The following PTPRB variants were observed in gnomAD, a reference collection of about 807,000 sequenced individuals.
PTPRB encodes protein tyrosine phosphatase receptor type B, also known as receptor-type tyrosine-protein phosphatase beta.
Under a neutral mutation model 238.1 loss-of-function variants are expected in PTPRB, and 97 were observed. The ratio of observed to expected loss-of-function variants is 0.41; its 90% CI spans 0.35 to 0.48. PTPRB has a LOEUF of 0.48. Ranked by LOEUF, PTPRB falls within the 20% of genes least tolerant of loss-of-function variation. PTPRB has a pLI of 0.30. For missense variants in PTPRB, 2,292 were observed against 2,681.9 expected, an observed-to-expected ratio of 0.85 and a Z score of 3.21; for synonymous variants, 970 against 995.4, an observed-to-expected ratio of 0.97 and a Z score of 0.48.
At position 70,560,814 on chromosome 12, in the gene PTPRB, T is replaced by C. The variant is rs1181904147; in HGVS notation, c.4289A>G (p.Asn1430Ser). 3 of 1,613,978 alleles carry C rather than the reference T, an allele frequency of 1.9e-6. No individual in the cohort carries two copies. The highest frequency in any genetic ancestry group is 2.5e-6 in the Non-Finnish European group (3 of 1,179,886). ...DFYELILYNP[N>S]GTKKENWKDK... ...TTTCCAGTTTTCCTTCTTTGTGCCA[T>C]TGGGATTATAGAGAATCAGCTCATA... is the stretch of plus-strand genomic sequence containing the variant. The change falls in exon 17 of 34, where the codon AAT becomes AGT. Residue 1430 changes from asparagine (N) to serine (S), a missense_variant. Physicochemically the swap from Asn to Ser is conservative, Grantham distance 46 (BLOSUM62 1). Around this residue, in one of 4 missense-constraint regions of PTPRB, gnomAD observed 683 missense variants for 862.0 expected, o/e 0.79. Coordinates refer to ENST00000334414, the MANE Select transcript of PTPRB (RefSeq NM_001109754.4). The surrounding 1 kb of genome is among the most constrained non-coding windows in gnomAD (Gnocchi z 4.2).
rs1565981395 is a variant in PTPRB, at chr12:70,587,213, C to T, written c.2105G>A (p.Ser702Asn). ...TGCTACAGGGGTCTGCCACATGATA[C>T]TCAGTGAGGTTTCATTGGCATGTTT... is the stretch of plus-strand genomic sequence containing the variant. ...RVKHANETSL[S>N]IMWQTPVAEW... The change falls in exon 9 of 34, where the codon AGT becomes AAT. Residue 702 changes from serine to asparagine, a missense_variant. By Grantham distance (46) the Ser-to-Asn change is conservative (BLOSUM62 1). Coordinates refer to ENST00000334414, the MANE Select transcript of PTPRB (RefSeq NM_001109754.4). The T allele has an allele frequency of 1.2e-6, 2 of 1,613,824 alleles. No individual in the cohort carries two copies. The highest frequency in any genetic ancestry group is 8.5e-7 in the Non-Finnish European group (1 of 1,179,802).
chr12:70,584,889 A>G (rs984408360), intron 9 of PTPRB: 1 of 151,864 alleles, frequency 6.6e-6, no homozygotes, highest in Non-Finnish European at 1.5e-5. Flanking sequence ...CAATAATTAT[A>G]TTTTTGTGGG....
chr12:70,636,401 G>T, intron 1 of PTPRB, among the ~76,000 whole-genome samples: 1 of 151,216 alleles, frequency 6.6e-6, no homozygotes, highest in South Asian at 2.1e-4. Context: ...GTATATTTTA[G>T]CCCAATTAGT....
chr12:70,594,612 T>C lies in PTPRB; in HGVS notation c.1371A>G (p.Lys457=). ...VERYRLMLMD[K]GILVHGGVVD... ...CAACACCGCCATGAACTAGGATCCC[T>C]TTATCCATTAGCATCAGCCGGTATC... is the stretch of plus-strand genomic sequence containing the variant. The change falls in exon 6 of 34, where the codon AAA becomes AAG. Residue 457 remains lysine, a synonymous_variant. Transcript: ENST00000334414. 2 of 1,613,982 alleles carry C rather than the reference T, an allele frequency of 1.2e-6. No individual in the cohort carries two copies. The highest frequency in any genetic ancestry group is 1.7e-6 in the Non-Finnish European group (2 of 1,179,888).
In PTPRB at chr12:70,538,137, G is replaced by T; in HGVS notation, c.5946+18C>A. On this transcript the variant is annotated intron_variant, in intron 28 of 33. Transcript: ENST00000334414. ...CCAAAGCCTCATCCTGAACACTATG[G>T]CCTAGTGGGTCACTTACAGGGATGT... The T allele has an allele frequency of 6.2e-7, 1 of 1,603,984 alleles. No homozygotes were observed.
At chr12:70,538,394 T>A in intron 27 of PTPRB, 163 bp from the exon 28 acceptor site, 1 of 581,326 alleles carries the variant, frequency 1.7e-6, no homozygotes, top group Non-Finnish European at 3.0e-6. Flanking sequence ...ACTTGCCCCA[T>A]GTTGCATAGG....
At chr12:70,572,157 C>G in intron 11 of PTPRB, 70 bp from the exon 12 acceptor site, 1 of 1,401,660 alleles carries the variant, frequency 7.1e-7, no homozygotes, top group Non-Finnish European at 9.8e-7. Flanking sequence ...AGATGACAAG[C>G]TGGGACAATA....
At chr12:70,536,359 C>T (rs912486778) in intron 28 of PTPRB, among the ~76,000 whole-genome samples, 200 bp from the exon 29 acceptor site, 1 of 152,190 alleles carries the variant, frequency 6.6e-6, no homozygotes, top group Admixed American at 6.5e-5. Context: ...GCCACATTCC[C>T]TTTTACTTGC....
At chr12:70,619,316 A>G (rs867546285) in intron 3 of PTPRB, among the ~76,000 whole-genome samples, 1 of 141,562 alleles carries the variant, frequency 7.1e-6, no homozygotes, top group Admixed American at 6.9e-5. Flanking sequence ...TGATGATGAT[A>G]ATGATAATGA....
intron 3 of PTPRB, among the ~76,000 whole-genome samples, chr12:70,619,284 T>TG (rs1479322645): frequency 1.4e-5 from 2 of 145,482 alleles, no homozygotes; most frequent in Non-Finnish European, 3.0e-5. Flanking sequence ...ACAGAGATAG[T>TG]GGGTGGTGGT....
chr12:70,615,925 ATCTCAATAAAGTTATCAAAT>A (rs1884658702), intron 3 of PTPRB, among the ~76,000 whole-genome samples: 1 of 152,222 alleles, frequency 6.6e-6, no homozygotes, highest in African/African-American at 2.4e-5. Flanking sequence ...TAAGTGTGCA[ATCTCAATAAAGTTATCAAAT>A]TCAGGAAATT....
At chr12:70,537,675 G>A (rs1053974680) in intron 28 of PTPRB, among the ~76,000 whole-genome samples, 1 of 152,158 alleles carries the variant, frequency 6.6e-6, no homozygotes, top group Non-Finnish European at 1.5e-5. Flanking sequence ...GGGCAGAAGT[G>A]GGATTCAAAC....
intron 32 of PTPRB, among the ~76,000 whole-genome samples, chr12:70,524,885 GTA>G (rs1491167722): frequency 2.1e-4 from 20 of 94,520 alleles, no homozygotes; most frequent in Non-Finnish European, 1.4e-4. Flanking sequence ...GTGTATATAT[GTA>G]TATATGTGTA....
chr12:70,633,563 T>C (rs1428693459), intron 2 of PTPRB, among the ~76,000 whole-genome samples: 1 of 152,230 alleles, frequency 6.6e-6, no homozygotes, highest in Non-Finnish European at 1.5e-5. Flanking sequence ...GTATGTGTTA[T>C]ACTTATGTGT....
In PTPRB at chr12:70,559,455, T is replaced by C. The variant is rs1878174555; in HGVS notation, c.4602A>G (p.Gly1534=). ...CTGGACGAAGACCATACACAATGCG[T>C]CCTTCTGATTTTCTGTTGTTGTAGG... ...FNPYNNRKSE[G]RIVYGLRPGR... Residue 1534 remains glycine, a synonymous_variant, in exon 18 of 34, where the codon GGA becomes GGG. Coordinates refer to ENST00000334414, the MANE Select transcript of PTPRB (RefSeq NM_001109754.4). 6.2e-7 allele frequency: 1 copy of C among 1,613,862 alleles called. No homozygotes were observed. Among genetic ancestry groups the C allele is most frequent in the Non-Finnish European group, 8.5e-7 (1 of 1,179,876 alleles).
intron 20 of PTPRB, among the ~76,000 whole-genome samples, chr12:70,553,289 T>C (rs1877177340): frequency 6.6e-6 from 1 of 152,164 alleles, no homozygotes; most frequent in Admixed American, 6.6e-5. Context: ...GGTAGCTCAT[T>C]GCATTAAATG....
In PTPRB at chr12:70,596,277, T is replaced by C; in HGVS notation, c.1030A>G (p.Thr344Ala). 1.9e-6 allele frequency: 3 copies of C among 1,611,518 alleles called. No homozygotes were observed. Among genetic ancestry groups the C allele is most frequent in the Non-Finnish European group, 2.5e-6 (3 of 1,178,932 alleles). ...GGAGTCCACCAAACATGCAAGCTGG[T>C]TGAAGTCGTCTTCTCTTTACTGACT... is the stretch of plus-strand genomic sequence containing the variant. Reference protein sequence around the residue: ...FGVSKEKTTSTSLHVWWTPSS... With the variant: ...FGVSKEKTTSASLHVWWTPSS... The change falls in exon 5 of 34, where the codon ACC (threonine) becomes GCC (alanine). Residue 344 changes from threonine (T) to alanine (A), a missense_variant. By Grantham distance (58) the Thr-to-Ala change is moderately conservative (BLOSUM62 0). Coordinates refer to ENST00000334414, the MANE Select transcript of PTPRB (RefSeq NM_001109754.4).
rs375156879 is a variant in PTPRB at position 70,538,367 on chromosome 12, C to T, written c.5870-136G>A. The T allele has an allele frequency of 1.7e-5, 12 of 687,736 alleles. No homozygotes were observed. The African/African-American group carries it at 2.0e-4, about 11-fold the overall frequency. The allele number at this position is 687,736 out of a possible 1,614,324, so 42.6% of individuals were successfully genotyped here. A position where few individuals can be genotyped will look rare whatever the true frequency, so the allele number is the denominator to read the frequency against. On this transcript the variant is annotated intron_variant, in intron 27 of 33. Coordinates refer to ENST00000334414, the MANE Select transcript of PTPRB (RefSeq NM_001109754.4). Reference sequence around the variant, plus strand: ...TCTTATCTCCATTTTGCAGATGAGGCTCAGGCAGGATAACTAACTTGCCCC... The same window carrying T: ...TCTTATCTCCATTTTGCAGATGAGGTTCAGGCAGGATAACTAACTTGCCCC...
In PTPRB at chr12:70,556,016, T is replaced by C; in HGVS notation, c.4847A>G (p.Glu1616Gly). 2 of 1,613,940 alleles carry C rather than the reference T, an allele frequency of 1.2e-6. No individual in the cohort carries two copies. The highest frequency in any genetic ancestry group is 1.7e-6 in the Non-Finnish European group (2 of 1,179,868). The stretch of plus-strand genomic sequence containing the variant: ...TTCTTTCTCCAGCTTTCTGGAAAAC[T>C]CAACTTCTTGGGTGTCCATTTTCCG... ...ECRKMDTQEV[E>G]FSRKLEKEKS... Residue 1616 changes from glutamate (E) to glycine (G), a missense_variant, in exon 19 of 34, where the codon GAG (glutamate) becomes GGG (glycine). Around this residue, in one of 4 missense-constraint regions of PTPRB, gnomAD observed 683 missense variants for 862.0 expected, o/e 0.79. Transcript: ENST00000334414.
Sources: gnomAD v4.1 joint callset for allele counts (sites outside exome capture counted in the v4.1 genomes callset) on GRCh38, gnomAD v4.1.1 for gene constraint, gnomAD v4.1.1 regional missense constraint, Gnocchi (gnomAD v3.1) non-coding constraint, MANE v1.5 for transcripts, NCBI Gene and HGNC (gene_info 2026-07-23, HGNC 2026-07-21) for gene names.